The following RAB3B variants were observed in gnomAD, a reference collection of about 807,000 sequenced individuals.
RAB3B encodes the protein ras-related protein Rab-3B.
A neutral mutation model predicts 20.5 loss-of-function variants in RAB3B; 11 were observed. The ratio of observed to expected loss-of-function variants is 0.54; its 90% CI spans 0.34 to 0.89. The LOEUF (loss-of-function observed/expected upper bound fraction) is 0.89. Among genes scored for constraint, RAB3B ranks in the 40% least tolerant of loss-of-function variants. The probability of loss-of-function intolerance (pLI) is 0.02; values close to 1 mark genes in which losing one functional copy is unlikely to be tolerated. For synonymous variants in RAB3B, 99 were observed against 106.3 expected (o/e 0.93, Z 0.42); for missense variants, 225 against 280.9 (o/e 0.80, Z 1.42).
rs553045955 is a variant in RAB3B at position 51,916,100 on chromosome 1, C to A, written c.*3827G>T. On this transcript the variant is annotated 3_prime_UTR_variant, in exon 5 of 5. Transcript: ENST00000371655. The stretch of plus-strand genomic sequence containing the variant: ...CAGCTTGAACCTTGGTGGCTAATTG[C>A]GCTATTACTGTGATTGATGAACACT... The A allele has an allele frequency of 2.0e-5, 3 of 152,236 alleles. No homozygotes were observed. The highest frequency in any genetic ancestry group is 2.0e-4 in the Admixed American group (3 of 15,288). The allele number at this position is 152,236 out of a possible 1,614,324, so 9.4% of individuals were successfully genotyped here.
intron 4 of RAB3B, among the ~76,000 whole-genome samples, chr1:51,930,576 C>T (rs1328131276): frequency 6.6e-6 from 1 of 152,106 alleles, no homozygotes; most frequent in African/African-American, 2.4e-5. Flanking sequence ...AACACACACA[C>T]ACAAAATGTG....
chr1:51,974,515 C>A (rs902480368), intron 2 of RAB3B, among the ~76,000 whole-genome samples: 1 of 152,208 alleles, frequency 6.6e-6, no homozygotes, highest in South Asian at 2.1e-4. Flanking sequence ...TCTTCTATTT[C>A]TAATGATCTC....
chr1:51,915,276 T>C lies in RAB3B; in HGVS notation c.*4651A>G, dbSNP rs1684066743. 1 of 152,138 alleles carries C rather than the reference T, an allele frequency of 6.6e-6. No individual in the cohort carries two copies. Among genetic ancestry groups the C allele is most frequent in the South Asian group, 2.1e-4 (1 of 4,828 alleles). The allele number at this position is 152,138 out of a possible 1,614,324, so 9.4% of individuals were successfully genotyped here. On this transcript the variant is annotated 3_prime_UTR_variant, in exon 5 of 5. Coordinates refer to ENST00000371655, the MANE Select transcript of RAB3B (RefSeq NM_002867.4). Reference sequence around the variant, plus strand: ...TTTTTTTTCATCTGTATTTATCTAGTGCTTAATAATGCTAGGCCCTAGTCG... The same window carrying C: ...TTTTTTTTCATCTGTATTTATCTAGCGCTTAATAATGCTAGGCCCTAGTCG...
chr1:51,951,959 T>C (rs1338403685), intron 2 of RAB3B, among the ~76,000 whole-genome samples: 1 of 152,238 alleles, frequency 6.6e-6, no homozygotes, highest in East Asian at 1.9e-4. Context: ...TCCTATCTAA[T>C]CTTTGAGGTC....
chr1:51,946,798 C>T (rs922278326), intron 2 of RAB3B, among the ~76,000 whole-genome samples: 20 of 152,250 alleles, frequency 1.3e-4, no homozygotes, highest in Admixed American at 2.6e-4. Flanking sequence ...AGGCACCTTT[C>T]TTATTTTATT....
At chr1:51,987,776 G>A (rs770975793) in intron 1 of RAB3B, among the ~76,000 whole-genome samples, 13 of 152,192 alleles carry the variant, frequency 8.5e-5, no homozygotes, top group Admixed American at 6.5e-5. Flanking sequence ...CGAAATCCAC[G>A]CCTACTCAAG....
At chr1:51,946,761 A>T (rs916083315) in intron 2 of RAB3B, among the ~76,000 whole-genome samples, 9 of 152,252 alleles carry the variant, frequency 5.9e-5, no homozygotes, top group African/African-American at 1.9e-4. Context: ...TTAGTTGAGC[A>T]TTACTACATG....
At chr1:51,981,702 CA>C (rs1270867946) in intron 1 of RAB3B, among the ~76,000 whole-genome samples, 1 of 152,064 alleles carries the variant, frequency 6.6e-6, no homozygotes, top group African/African-American at 2.4e-5. Context: ...AATGACAGAC[CA>C]CATGTACAAT....
In RAB3B at chr1:51,914,294, G is replaced by A. The variant is rs932874562; in HGVS notation, c.*5633C>T. The A allele has an allele frequency of 6.6e-6, 1 of 152,204 alleles. No individual in the cohort carries two copies. Among genetic ancestry groups the A allele is most frequent in the African/African-American group, 2.4e-5 (1 of 41,454 alleles). The allele number at this position is 152,204 out of a possible 1,614,324, so 9.4% of individuals were successfully genotyped here. A position where few individuals can be genotyped will look rare whatever the true frequency, so the allele number is the denominator to read the frequency against. On this transcript the variant is annotated 3_prime_UTR_variant, in exon 5 of 5. Transcript: ENST00000371655. Reference sequence around the variant, plus strand: ...TGAAAGCTTAGTTGAGGAATGTAAAGCAATGGCCAGTGGGTAGCAGAGATA... The same window carrying A: ...TGAAAGCTTAGTTGAGGAATGTAAAACAATGGCCAGTGGGTAGCAGAGATA...
chr1:51,929,014 G>A (rs961260850), intron 4 of RAB3B, among the ~76,000 whole-genome samples: 2 of 152,080 alleles, frequency 1.3e-5, no homozygotes, highest in African/African-American at 4.8e-5. Context: ...CCTCCTTTAG[G>A]AAACCACCAT....
rs1276309557 is a variant in RAB3B, at chr1:51,917,398, T to C, written c.*2529A>G. 1 of 152,074 alleles carries C rather than the reference T, an allele frequency of 6.6e-6. No individual in the cohort carries two copies. Among genetic ancestry groups the C allele is most frequent in the African/African-American group, 2.4e-5 (1 of 41,398 alleles). The allele number at this position is 152,074 out of a possible 1,614,324, so 9.4% of individuals were successfully genotyped here. The stretch of plus-strand genomic sequence containing the variant: ...GCTCCCTCATTTTATAAGTAGGAAA[T>C]CAAGACTCAAAAGTGGAAAGTAACT... On this transcript the variant is annotated 3_prime_UTR_variant, in exon 5 of 5. Coordinates refer to ENST00000371655, the MANE Select transcript of RAB3B (RefSeq NM_002867.4).
chr1:51,970,846 A>C (rs1411923325), intron 2 of RAB3B, among the ~76,000 whole-genome samples: 1 of 150,578 alleles, frequency 6.6e-6, no homozygotes, highest in Non-Finnish European at 1.5e-5. Flanking sequence ...TCTACTAAAA[A>C]TACAAAAAAA....
chr1:51,945,668 G>A (rs1041884251), intron 2 of RAB3B, among the ~76,000 whole-genome samples: 1 of 152,256 alleles, frequency 6.6e-6, no homozygotes, highest in African/African-American at 2.4e-5. Context: ...CAGGAGCAGG[G>A]CCAGCTTCCC....
chr1:51,934,228 C>T (rs1294077137), intron 3 of RAB3B, among the ~76,000 whole-genome samples: 1 of 152,150 alleles, frequency 6.6e-6, no homozygotes, highest in African/African-American at 2.4e-5. Flanking sequence ...TCCCCAAAAG[C>T]TCTTCCATGG....
chr1:51,957,180 G>A (rs1031685599), intron 2 of RAB3B, among the ~76,000 whole-genome samples: 17 of 152,088 alleles, frequency 1.1e-4, no homozygotes, highest in Non-Finnish European at 2.5e-4. Flanking sequence ...AAACCAGGAG[G>A]AAGAAAAAAA....
Position 51,911,277 on chromosome 1 carries a change from G to A in RAB3B, c.*8650C>T, listed in dbSNP as rs1257577477. 2 of 152,072 alleles carry A rather than the reference G, an allele frequency of 1.3e-5. No individual in the cohort carries two copies. Among genetic ancestry groups the A allele is most frequent in the African/African-American group, 4.8e-5 (2 of 41,396 alleles). The allele number at this position is 152,072 out of a possible 1,614,324, so 9.4% of individuals were successfully genotyped here. On this transcript the variant is annotated 3_prime_UTR_variant, in exon 5 of 5. Transcript: ENST00000371655. ...AAATCCCTCTTCTTCGTTCCTTCAG[G>A]TACAAGAAGAGAGGATGGAGACGAG...
rs570377003 is a variant in RAB3B, at chr1:51,961,084, C to T, written c.228+15806G>A. Among the ~76,000 whole-genome samples, 13 of 152,274 alleles carry T rather than the reference C, an allele frequency of 8.5e-5. No individual in the cohort carries two copies. The South Asian group carries it at 2.5e-3, about 29-fold the overall frequency. On this transcript the variant is annotated intron_variant, in intron 2 of 4. Transcript: ENST00000371655. Reference sequence around the variant, plus strand: ...CACTGCTGGTACCATGTGTTCATTCCACCTACACCACAGCTGAAGTAATTA... The same window carrying T: ...CACTGCTGGTACCATGTGTTCATTCTACCTACACCACAGCTGAAGTAATTA...
chr1:51,975,325 A>T (rs1233838621), intron 2 of RAB3B, among the ~76,000 whole-genome samples: 1 of 152,226 alleles, frequency 6.6e-6, no homozygotes, highest in East Asian at 1.9e-4. Context: ...TATGATCTAC[A>T]TGTTGCTATA....
chr1:51,979,099 C>T (rs1234566047), intron 1 of RAB3B, among the ~76,000 whole-genome samples: 4 of 151,962 alleles, frequency 2.6e-5, no homozygotes, highest in Non-Finnish European at 5.9e-5. Flanking sequence ...GTGGAACATG[C>T]CCAGGACACT....
Sources: allele counts gnomAD v4.1 joint callset (sites outside exome capture counted in the v4.1 genomes callset), GRCh38; gene constraint gnomAD v4.1.1; transcripts MANE v1.5; gene names NCBI Gene and HGNC (gene_info 2026-07-23, HGNC 2026-07-21).